SYCP1: variants seen among roughly 807,000 people sequenced by gnomAD.
SYCP1 encodes cancer/testis antigen 8.
In SYCP1, 64 loss-of-function variants were observed where a neutral mutation model predicts 153.1. That is an observed-to-expected ratio of 0.42 (90% CI 0.34 to 0.51). The LOEUF is 0.51. SYCP1 is among the 20% of genes least tolerant of loss of function. The probability of loss-of-function intolerance (pLI) is 0.06; values close to 1 mark genes in which losing one functional copy is unlikely to be tolerated. For synonymous variants in SYCP1, 384 were observed against 341.8 expected, an observed-to-expected ratio of 1.12 and a Z score of -1.36; for missense variants, 997 against 1,049.0, an observed-to-expected ratio of 0.95 and a Z score of 0.68.
At chr1:114,927,798 G>A (rs1669354114) in intron 23 of SYCP1, among the ~76,000 whole-genome samples, 1 of 151,920 alleles carries the variant, frequency 6.6e-6, no homozygotes, top group Non-Finnish European at 1.5e-5. Flanking sequence ...CCCCAAGTAA[G>A]AAGAGAGAGA....
chr1:114,887,219 G>C (rs1391003764), intron 14 of SYCP1, among the ~76,000 whole-genome samples: 1 of 151,970 alleles, frequency 6.6e-6, no homozygotes. Context: ...ATACTTTGAG[G>C]AAACAGAAAG....
chr1:114,946,013 A>G (rs770088097), intron 25 of SYCP1, among the ~76,000 whole-genome samples: 10 of 152,174 alleles, frequency 6.6e-5, no homozygotes, highest in African/African-American at 1.9e-4. Flanking sequence ...TTAAAATTCA[A>G]TGTTTCCAAA....
intron 2 of SYCP1, among the ~76,000 whole-genome samples, chr1:114,856,329 A>G (rs1663937829): frequency 6.6e-6 from 1 of 152,204 alleles, no homozygotes; most frequent in Non-Finnish European, 1.5e-5. Flanking sequence ...TCGAATACCT[A>G]CAAAGCCATA....
intron 17 of SYCP1, 62 bp from the exon 18 acceptor site, chr1:114,911,417 A>G: frequency 7.5e-7 from 1 of 1,327,226 alleles, no homozygotes; most frequent in Non-Finnish European, 1.0e-6. Context: ...CACAGTGACT[A>G]TACCTTTTAA....
intron 14 of SYCP1, 23 bp from the exon 15 acceptor site, chr1:114,887,603 T>C: frequency 1.4e-6 from 2 of 1,458,140 alleles, no homozygotes; most frequent in Non-Finnish European, 1.9e-6. Context: ...ATATTTTGTA[T>C]TGAAAATGAT....
chr1:114,943,587 G>T (rs1054854403), intron 23 of SYCP1, among the ~76,000 whole-genome samples: 3 of 151,842 alleles, frequency 2.0e-5, no homozygotes, highest in African/African-American at 7.2e-5. Flanking sequence ...AAGAGTAAGG[G>T]AATATAAATT....
rs184979087 is a variant in SYCP1 at position 114,934,433 on chromosome 1, C to T, written c.1926+7870C>T. ...AGCACTAAACATGGAAAAGAACAAC[C>T]GGTACCAGCCACTGCAAAAACATGC... On this transcript the variant is annotated intron_variant, in intron 23 of 31. Transcript: ENST00000369522. Among the ~76,000 whole-genome samples the T allele has an allele frequency of 1.7e-4, 26 of 152,254 alleles. No homozygotes were observed. In the East Asian group the frequency reaches 3.7e-3, roughly 21 times the overall value.
chr1:114,946,326 AATT>A lies in SYCP1; in HGVS notation c.2194_2196del (p.Leu732del). 6.3e-7 allele frequency: 1 copy of A among 1,586,938 alleles called. No homozygotes were observed. On this transcript the variant is annotated inframe_deletion, in exon 26 of 32. Coordinates refer to ENST00000369522, the MANE Select transcript of SYCP1 (RefSeq NM_003176.4). Reference sequence around the variant, plus strand: ...AAGATCATTGAAGAAAGAGACTCAGAATTAGGACTTTATAAGAGCAAAGAACAA... The same window carrying A: ...AAGATCATTGAAGAAAGAGACTCAGAAGGACTTTATAAGAGCAAAGAACAA...
chr1:114,995,118 G>T lies in SYCP1; in HGVS notation c.*99G>T. 1 of 1,212,572 alleles carries T rather than the reference G, an allele frequency of 8.2e-7. No homozygotes were observed. Among genetic ancestry groups the T allele is most frequent in the Non-Finnish European group, 1.1e-6 (1 of 901,402 alleles). The allele number at this position is 1,212,572 out of a possible 1,614,324, so 75.1% of individuals were successfully genotyped here. On this transcript the variant is annotated 3_prime_UTR_variant, in exon 32 of 32. Transcript: ENST00000369522. ...GAGCCAAATTTTATCTGGAAGTTGA[G>T]ACTTAAAAAATACTTGCATGAATGA...
At chr1:114,968,225 G>A (rs1000786731) in intron 27 of SYCP1, among the ~76,000 whole-genome samples, 24 of 152,186 alleles carry the variant, frequency 1.6e-4, no homozygotes, top group African/African-American at 5.8e-4. Context: ...ATGTTGGCCT[G>A]TCTTGCTAGA....
At chr1:114,989,954 A>T (rs965727789) in intron 30 of SYCP1, among the ~76,000 whole-genome samples, 3 of 151,982 alleles carry the variant, frequency 2.0e-5, no homozygotes, top group African/African-American at 7.2e-5. Context: ...ACAACCAGAC[A>T]GAAGATAAGG....
At chr1:114,969,369 C>A (rs556352501) in intron 27 of SYCP1, among the ~76,000 whole-genome samples, 1 of 152,294 alleles carries the variant, frequency 6.6e-6, no homozygotes, top group African/African-American at 2.4e-5. Context: ...GGTGGTCTGG[C>A]TACAGTGGCT....
rs774114994 is a variant in SYCP1, at chr1:114,926,485, T to C, written c.1864-16T>C. On this transcript the variant is annotated splice_polypyrimidine_tract_variant and intron_variant, in intron 22 of 31. Transcript: ENST00000369522. ...ATAACTTTAGTACTAAATATAATTA[T>C]TTTTAATTTTAACAGAATAAGGCCT... 3.2e-6 allele frequency: 5 copies of C among 1,544,176 alleles called. No individual in the cohort carries two copies. The highest frequency in any genetic ancestry group is 1.9e-5 in the Admixed American group (1 of 51,850).
At chr1:114,937,975 G>A (rs1670131738) in intron 23 of SYCP1, among the ~76,000 whole-genome samples, 1 of 152,112 alleles carries the variant, frequency 6.6e-6, no homozygotes, top group African/African-American at 2.4e-5. Context: ...CAACCATTGT[G>A]GAAGACAGTG....
chr1:114,857,292 A>G lies in SYCP1; in HGVS notation c.237+17A>G, dbSNP rs1664063337. 1 of 1,597,746 alleles carries G rather than the reference A, an allele frequency of 6.3e-7. No individual in the cohort carries two copies. The highest frequency in any genetic ancestry group is 8.5e-7 in the Non-Finnish European group (1 of 1,173,380). On this transcript the variant is annotated intron_variant, in intron 4 of 31. Transcript: ENST00000369522. ...CTTGAGCAGGTCAGTTAAGCATAGT[A>G]CATGTAGATATAATCTGTTTAGGTA...
At chr1:114,895,408 A>G in intron 15 of SYCP1, 40 bp from the exon 16 acceptor site, 1 of 1,315,532 alleles carries the variant, frequency 7.6e-7, no homozygotes, top group Non-Finnish European at 1.0e-6. Flanking sequence ...CTATTCTTTT[A>G]ATCCAGCTTT....
intron 15 of SYCP1, among the ~76,000 whole-genome samples, chr1:114,891,770 A>G (rs1484326590): frequency 6.6e-6 from 1 of 152,210 alleles, no homozygotes; most frequent in African/African-American, 2.4e-5. Context: ...GATATATAAT[A>G]TAATAACTAT....
chr1:114,980,201 T>G (rs1183652847), intron 28 of SYCP1, among the ~76,000 whole-genome samples: 1 of 151,874 alleles, frequency 6.6e-6, no homozygotes, highest in Non-Finnish European at 1.5e-5. Context: ...TCCTTACAAT[T>G]TCCTTATGAA....
intron 8 of SYCP1, among the ~76,000 whole-genome samples, chr1:114,865,334 T>TA (rs1197506845): frequency 6.6e-6 from 1 of 152,224 alleles, no homozygotes; most frequent in African/African-American, 2.4e-5. Context: ...CATTGAATGT[T>TA]CAGCAATTCT....
Sources: gnomAD v4.1 joint callset for allele counts (sites outside exome capture counted in the v4.1 genomes callset) on GRCh38, gnomAD v4.1.1 for gene constraint, MANE v1.5 for transcripts, NCBI Gene and HGNC (gene_info 2026-07-23, HGNC 2026-07-21) for gene names.